Variants in BICC1 observed in about 807,000 individuals in gnomAD.
BICC1 encodes the protein protein bicaudal C homolog 1.
Under a neutral mutation model 111.0 loss-of-function variants are expected in BICC1, and 43 were observed. The ratio of observed to expected loss-of-function variants is 0.39; its 90% confidence interval spans 0.30 to 0.50. BICC1 has a LOEUF of 0.50. BICC1 is among the 20% of genes least tolerant of loss of function. BICC1 has a pLI of 0.88. For synonymous variants in BICC1, 467 were observed against 434.4 expected, an observed-to-expected ratio of 1.07 and a Z score of -0.93; for missense variants, 1,091 against 1,203.2, an observed-to-expected ratio of 0.91 and a Z score of 1.38.
At chr10:58,697,946 C>T (rs191994127) in intron 2 of BICC1, among the ~76,000 whole-genome samples, 22 of 152,002 alleles carry the variant, frequency 1.4e-4, no homozygotes, top group South Asian at 1.0e-3. Flanking sequence ...TGACAGAATG[C>T]GTCACACTCC....
At chr10:58,678,682 A>T (rs771397299) in intron 2 of BICC1, among the ~76,000 whole-genome samples, 8 of 152,198 alleles carry the variant, frequency 5.3e-5, no homozygotes, top group Non-Finnish European at 1.0e-4. Context: ...TGGACCAAGG[A>T]GACCTAATAG....
chr10:58,532,165 C>A (rs935558604), intron 1 of BICC1, among the ~76,000 whole-genome samples: 14 of 151,528 alleles, frequency 9.2e-5, no homozygotes, highest in African/African-American at 3.4e-4. Flanking sequence ...TTAAGGGCAA[C>A]AGGAGAAAGG....
rs572677806 is a variant in BICC1 at position 58,647,210 on chromosome 10, G to A, written c.237+26309G>A. On this transcript the variant is annotated intron_variant, in intron 2 of 20. Transcript: ENST00000373886. ...ATTTACAAAATCCTTTTTAGTTATA[G>A]TCTCACATCAAAAAATATCATTGTT... Among the ~76,000 whole-genome samples, 3 of 152,042 alleles carry A rather than the reference G, an allele frequency of 2.0e-5. No homozygotes were observed. In the South Asian group the frequency reaches 6.2e-4, roughly 32 times the overall value.
At chr10:58,810,676 A>G (rs1249013074) in intron 17 of BICC1, among the ~76,000 whole-genome samples, 1 of 152,130 alleles carries the variant, frequency 6.6e-6, no homozygotes, top group East Asian at 1.9e-4. Context: ...TATTGCCTCT[A>G]TAGATTAGGA....
At chr10:58,769,305 CACAT>C (rs982628740) in intron 3 of BICC1, among the ~76,000 whole-genome samples, 15 of 146,992 alleles carry the variant, frequency 1.0e-4, no homozygotes, top group African/African-American at 3.4e-4. Flanking sequence ...CACACACACA[CACAT>C]GCACACGCAC....
intron 3 of BICC1, among the ~76,000 whole-genome samples, chr10:58,758,568 G>A (rs1842212606): frequency 6.6e-6 from 1 of 152,160 alleles, no homozygotes; most frequent in Non-Finnish European, 1.5e-5. Flanking sequence ...TGGTTACAAG[G>A]TTAGTTCTAA....
intron 2 of BICC1, among the ~76,000 whole-genome samples, chr10:58,655,371 T>C (rs1479335756): frequency 1.6e-5 from 2 of 126,190 alleles, no homozygotes; most frequent in African/African-American, 6.0e-5. Flanking sequence ...AGCAGTGGTT[T>C]GTAGTTCTCC....
intron 1 of BICC1, among the ~76,000 whole-genome samples, chr10:58,575,234 C>A (rs911067759): frequency 2.4e-4 from 37 of 152,138 alleles, no homozygotes; most frequent in African/African-American, 8.9e-4. Context: ...TCTCTGTGTC[C>A]ATGGGTTCTC....
At chr10:58,712,807 A>G (rs1840617968) in intron 3 of BICC1, among the ~76,000 whole-genome samples, 1 of 152,176 alleles carries the variant, frequency 6.6e-6, no homozygotes, top group Non-Finnish European at 1.5e-5. Context: ...CAAGGCCCAT[A>G]GAACAGGTTT....
At chr10:58,709,993 T>C (rs1231635524) in intron 3 of BICC1, among the ~76,000 whole-genome samples, 1 of 152,196 alleles carries the variant, frequency 6.6e-6, no homozygotes, top group Non-Finnish European at 1.5e-5. Context: ...TTGTGGTTAT[T>C]TTAATTAGTA....
chr10:58,648,572 G>T (rs1838340226), intron 2 of BICC1: 1 of 984,542 alleles, frequency 1.0e-6, no homozygotes, highest in African/African-American at 1.7e-5. Flanking sequence ...GGGAACAATG[G>T]TATGTTTAGT....
intron 1 of BICC1, among the ~76,000 whole-genome samples, chr10:58,543,103 G>A (rs1263442683): frequency 6.6e-6 from 1 of 152,038 alleles, no homozygotes; most frequent in Non-Finnish European, 1.5e-5. Context: ...GTAGCTAAGA[G>A]GTGGAAACAA....
chr10:58,691,962 G>A (rs549110166), intron 2 of BICC1, among the ~76,000 whole-genome samples: 5 of 152,244 alleles, frequency 3.3e-5, no homozygotes, highest in African/African-American at 9.6e-5. Context: ...TTACATAATT[G>A]TTGCCTCTTC....
chr10:58,648,397 C>T (rs2132239242), intron 2 of BICC1: 1 of 447,352 alleles, frequency 2.2e-6, no homozygotes, highest in African/African-American at 2.1e-5. Context: ...TCATTTCTCT[C>T]TGTCCTTTGC....
At chr10:58,526,016 T>A (rs1009498856) in intron 1 of BICC1, among the ~76,000 whole-genome samples, 3 of 151,928 alleles carry the variant, frequency 2.0e-5, no homozygotes, top group Admixed American at 2.0e-4. Context: ...GACTGTATTC[T>A]GAGGAAGAAA....
intron 1 of BICC1, among the ~76,000 whole-genome samples, chr10:58,545,833 AC>A (rs1843124346): frequency 6.6e-6 from 1 of 152,266 alleles, no homozygotes; most frequent in African/African-American, 2.4e-5. Context: ...GCAAGAACAT[AC>A]CTGAACAACC....
At chr10:58,660,553 G>A (rs536231808) in intron 2 of BICC1, among the ~76,000 whole-genome samples, 5 of 151,110 alleles carry the variant, frequency 3.3e-5, no homozygotes, top group East Asian at 1.9e-4. Flanking sequence ...CTTCTAGCCC[G>A]TCTCTTCTCA....
At chr10:58,766,825 G>A (rs1365372045) in intron 3 of BICC1, among the ~76,000 whole-genome samples, 1 of 152,070 alleles carries the variant, frequency 6.6e-6, no homozygotes, top group Non-Finnish European at 1.5e-5. Context: ...GAAAGTTAGT[G>A]TTGTGAATAC....
chr10:58,586,469 G>T (rs1363548565), intron 1 of BICC1, among the ~76,000 whole-genome samples: 3 of 148,992 alleles, frequency 2.0e-5, no homozygotes, highest in African/African-American at 7.4e-5. Flanking sequence ...TTCATGCAGA[G>T]TACTTCCTGT....
Sources: allele counts gnomAD v4.1 joint callset (sites outside exome capture counted in the v4.1 genomes callset), GRCh38; gene constraint gnomAD v4.1.1; transcripts MANE v1.5; gene names NCBI Gene and HGNC (gene_info 2026-07-23, HGNC 2026-07-21).